OTULINL: variants seen among roughly 807,000 people sequenced by gnomAD.
The protein encoded by OTULINL is OTU deubiquitinase with linear linkage specificity like.
A neutral mutation model predicts 43.9 loss-of-function variants in OTULINL; 42 were observed. The ratio of observed to expected loss-of-function variants is 0.96; its 90% CI spans 0.75 to 1.24. The LOEUF is 1.24. Among genes scored for constraint, OTULINL ranks in the 50% most tolerant of loss-of-function variants. OTULINL has a pLI of 0.00. For synonymous variants in OTULINL, 172 were observed against 153.6 expected (o/e 1.12, Z -0.88); for missense variants, 411 against 426.4 (o/e 0.96, Z 0.32).
chr5:14,589,227 C>T (rs141808881), intron 1 of OTULINL, among the ~76,000 whole-genome samples: 81 of 152,176 alleles, frequency 5.3e-4, no homozygotes, highest in African/African-American at 1.8e-3. Context: ...AAAAGGACAC[C>T]GTGTGCTATG....
chr5:14,598,738 T>C (rs550655528), intron 1 of OTULINL, among the ~76,000 whole-genome samples: 5 of 152,160 alleles, frequency 3.3e-5, no homozygotes, highest in Non-Finnish European at 7.3e-5. Context: ...AATGCTTACA[T>C]TTAGGACAGT....
chr5:14,592,380 G>A (rs1380161702), intron 1 of OTULINL, among the ~76,000 whole-genome samples: 1 of 152,234 alleles, frequency 6.6e-6, no homozygotes, highest in Non-Finnish European at 1.5e-5. Context: ...GGGGAAGGCA[G>A]TAATGTACAG....
intron 4 of OTULINL, 50 bp from the exon 5 acceptor site, chr5:14,602,133 T>A (rs1187928251): frequency 1.4e-6 from 2 of 1,437,316 alleles, no homozygotes; most frequent in African/African-American, 2.9e-5. Flanking sequence ...TTCACTTTAT[T>A]TTCTTGTCCA....
chr5:14,607,521 G>T, intron 6 of OTULINL, 63 bp downstream of exon 6: 1 of 1,592,456 alleles, frequency 6.3e-7, no homozygotes, highest in Non-Finnish European at 8.6e-7. Context: ...GATAGAGCCA[G>T]TTTTCTCTGA....
chr5:14,605,094 C>A (rs1478411298), intron 5 of OTULINL, among the ~76,000 whole-genome samples: 6 of 152,230 alleles, frequency 3.9e-5, no homozygotes, highest in African/African-American at 9.6e-5. Context: ...CCTTCCCCTG[C>A]AGCAAACTTC....
At chr5:14,603,615 C>G (rs189695319) in intron 5 of OTULINL, among the ~76,000 whole-genome samples, 38 of 152,172 alleles carry the variant, frequency 2.5e-4, no homozygotes, top group Admixed American at 1.2e-3. Context: ...TTTGTCATCC[C>G]TGTTATCTTC....
At chr5:14,608,215 T>G (rs1759514281) in intron 6 of OTULINL, among the ~76,000 whole-genome samples, 1 of 152,264 alleles carries the variant, frequency 6.6e-6, no homozygotes, top group Admixed American at 6.5e-5. Flanking sequence ...GTAAACATTT[T>G]ATGGTCAGCT....
At position 14,611,046 on chromosome 5, in the gene OTULINL, A is replaced by G. The variant is rs951988387; in HGVS notation, c.*732A>G. 1.5e-4 allele frequency: 23 copies of G among 152,226 alleles called. No homozygotes were observed. The highest frequency in any genetic ancestry group is 5.3e-4 in the African/African-American group (22 of 41,458). The allele number at this position is 152,226 out of a possible 1,614,324, so 9.4% of individuals were successfully genotyped here. A position where few individuals can be genotyped will look rare whatever the true frequency, so the allele number is the denominator to read the frequency against. On this transcript the variant is annotated 3_prime_UTR_variant, in exon 8 of 8. Coordinates refer to ENST00000274217, the MANE Select transcript of OTULINL (RefSeq NM_019018.3). ...AAAATTCTGTAGATTAAAGCAAATG[A>G]CAGTTATTGAACTATCACAAAACTA... is the stretch of plus-strand genomic sequence containing the variant.
chr5:14,610,084 C>T (rs1409735882), intron 7 of OTULINL, 57 bp from the exon 8 acceptor site: 16 of 1,494,422 alleles, frequency 1.1e-5, no homozygotes, highest in South Asian at 2.3e-5. Context: ...CCCACCGTGG[C>T]GGGAGGCAGG....
intron 1 of OTULINL, among the ~76,000 whole-genome samples, chr5:14,595,556 A>G (rs1249928504): frequency 6.8e-6 from 1 of 146,118 alleles, no homozygotes. Context: ...TCCTGTTTTA[A>G]TGTTTGAATT....
intron 1 of OTULINL, among the ~76,000 whole-genome samples, chr5:14,597,548 G>A (rs1315733680): frequency 2.6e-5 from 4 of 152,202 alleles, no homozygotes; most frequent in African/African-American, 9.7e-5. Flanking sequence ...ATAGGGGCTG[G>A]CACATAATAA....
At chr5:14,589,825 G>T (rs1181820053) in intron 1 of OTULINL, among the ~76,000 whole-genome samples, 1 of 152,148 alleles carries the variant, frequency 6.6e-6, no homozygotes, top group Non-Finnish European at 1.5e-5. Flanking sequence ...GGTGGCAGGT[G>T]CCTGCAATCC....
chr5:14,603,738 C>T (rs761385398), intron 5 of OTULINL, among the ~76,000 whole-genome samples: 5 of 151,890 alleles, frequency 3.3e-5, no homozygotes, highest in Non-Finnish European at 5.9e-5. Flanking sequence ...ATATGATTTA[C>T]ATATATTTTC....
At chr5:14,603,413 A>G (rs940478911) in intron 5 of OTULINL, among the ~76,000 whole-genome samples, 2 of 152,260 alleles carry the variant, frequency 1.3e-5, no homozygotes, top group Non-Finnish European at 1.5e-5. Flanking sequence ...GCTGCGTTCC[A>G]AAGTGGCCCA....
intron 5 of OTULINL, 51 bp from the exon 6 acceptor site, chr5:14,607,279 G>T (rs772102166): frequency 2.1e-5 from 34 of 1,592,350 alleles, no homozygotes; most frequent in Non-Finnish European, 2.8e-5. Context: ...CAAATTGTGT[G>T]TAATAAACGT....
At chr5:14,587,894 A>T (rs1314594262) in intron 1 of OTULINL, among the ~76,000 whole-genome samples, 6 of 152,078 alleles carry the variant, frequency 3.9e-5, no homozygotes, top group Non-Finnish European at 7.4e-5. Flanking sequence ...AGCCTATTAC[A>T]TCTCCCTTTC....
In OTULINL at chr5:14,610,463, AT is replaced by A; in HGVS notation, c.*150del. On this transcript the variant is annotated 3_prime_UTR_variant, in exon 8 of 8. Transcript: ENST00000274217. ...ACAGGTACACTGGATGCAGCCATGCATGGATGGTTTTTCTTTATTTTTCAGT... is the reference window on the plus strand; with the variant it reads ...ACAGGTACACTGGATGCAGCCATGCAGGATGGTTTTTCTTTATTTTTCAGT... 1 of 747,364 alleles carries A rather than the reference AT, an allele frequency of 1.3e-6. No homozygotes were observed. The highest frequency in any genetic ancestry group is 2.1e-6 in the Non-Finnish European group (1 of 474,906). The allele number at this position is 747,364 out of a possible 1,614,324, so 46.3% of individuals were successfully genotyped here. A position where few individuals can be genotyped will look rare whatever the true frequency, so the allele number is the denominator to read the frequency against.
At chr5:14,605,297 C>T (rs28889639) in intron 5 of OTULINL, among the ~76,000 whole-genome samples, 2,252 of 149,736 alleles carry the variant, frequency 0.015, 49 homozygotes, top group African/African-American at 0.052. Context: ...CTGGAGTGGC[C>T]GAGATGCAGA....
intron 1 of OTULINL, among the ~76,000 whole-genome samples, chr5:14,590,667 G>T (rs191962223): frequency 2.6e-5 from 4 of 152,308 alleles, no homozygotes; most frequent in Admixed American, 2.0e-4. Context: ...TGACTTCTCA[G>T]TTGGTCCCAG....
Sources: gnomAD v4.1 joint callset for allele counts (sites outside exome capture counted in the v4.1 genomes callset) on GRCh38, gnomAD v4.1.1 for gene constraint, MANE v1.5 for transcripts, NCBI Gene and HGNC (gene_info 2026-07-23, HGNC 2026-07-21) for gene names.